Variants in ROR1 observed in about 807,000 individuals in gnomAD.
The protein encoded by ROR1 is ROR family WNT receptor 1.
Under a neutral mutation model 78.8 loss-of-function variants are expected in ROR1, and 19 were observed. The ratio of observed to expected loss-of-function variants is 0.24; its 90% CI spans 0.17 to 0.35. ROR1 has a LOEUF of 0.35. Ranked by LOEUF, ROR1 falls within the 10% of genes least tolerant of loss-of-function variation. The pLI is 1.00. For synonymous variants in ROR1, 386 were observed against 433.6 expected, an observed-to-expected ratio of 0.89 and a Z score of 1.36; for missense variants, 917 against 1,177.8, an observed-to-expected ratio of 0.78 and a Z score of 3.24.
chr1:63,876,325 G>A (rs1389404775), intron 1 of ROR1, among the ~76,000 whole-genome samples: 1 of 152,112 alleles, frequency 6.6e-6, no homozygotes. Context: ...TGGGACATGT[G>A]CATTATTTTC....
At chr1:63,846,021 C>T (rs1645078087) in intron 1 of ROR1, among the ~76,000 whole-genome samples, 1 of 152,070 alleles carries the variant, frequency 6.6e-6, no homozygotes, top group Non-Finnish European at 1.5e-5. Flanking sequence ...GTCTAATCAG[C>T]TTTCAGCTCT....
chr1:63,812,776 T>C (rs2100271927), intron 1 of ROR1, among the ~76,000 whole-genome samples: 1 of 152,322 alleles, frequency 6.6e-6, no homozygotes, highest in South Asian at 2.1e-4. Flanking sequence ...ATTAAGAGCT[T>C]TATTTTTATT....
chr1:64,166,813 G>C (rs142693618), intron 8 of ROR1, among the ~76,000 whole-genome samples: 307 of 152,192 alleles, frequency 2.0e-3, no homozygotes, highest in Non-Finnish European at 3.5e-3. Flanking sequence ...AATCCATCAG[G>C]GTGGAGAAGG....
intron 1 of ROR1, among the ~76,000 whole-genome samples, chr1:63,996,223 A>G (rs969340006): frequency 2.6e-5 from 4 of 152,210 alleles, no homozygotes; most frequent in African/African-American, 7.2e-5. Context: ...ATCACCTTAC[A>G]AAGTGCAAAG....
At chr1:64,095,230 C>T (rs189728949) in intron 4 of ROR1, 6 of 152,112 alleles carry the variant, frequency 3.9e-5, no homozygotes, top group East Asian at 3.9e-4. Flanking sequence ...AAAATAGGAA[C>T]GTTCAAAATA....
chr1:64,177,996 C>G lies in ROR1; in HGVS notation c.1955C>G (p.Ser652Cys). Residue 652 changes from serine (S) to cysteine (C), a missense_variant, in exon 9 of 9, where the codon TCC (serine) becomes TGC (cysteine). By Grantham distance (112) the Ser-to-Cys change is moderately radical. Around this residue, in one of 3 missense-constraint regions of ROR1, gnomAD observed 835 missense variants for 1,069.8 expected, o/e 0.78. Coordinates refer to ENST00000371079, the MANE Select transcript of ROR1 (RefSeq NM_005012.4). ...GATTACTACAGGGTCCAGAGTAAGT[C>G]CTTGCTGCCCATTCGCTGGATGCCC... ...SADYYRVQSK[S>C]LLPIRWMPPE... is the part of the protein sequence containing the mutation. 2 of 1,614,158 alleles carry G rather than the reference C, an allele frequency of 1.2e-6. No individual in the cohort carries two copies. The highest frequency in any genetic ancestry group is 1.1e-5 in the South Asian group (1 of 91,066).
intron 2 of ROR1, among the ~76,000 whole-genome samples, chr1:64,035,390 T>C (rs1646693991): frequency 6.6e-6 from 1 of 152,188 alleles, no homozygotes; most frequent in Admixed American, 6.6e-5. Context: ...GGACTTTATA[T>C]GCGATACCTT....
At chr1:63,868,975 G>C (rs1221381046) in intron 1 of ROR1, among the ~76,000 whole-genome samples, 3 of 152,218 alleles carry the variant, frequency 2.0e-5, no homozygotes, top group Non-Finnish European at 4.4e-5. Context: ...AGTGCCAACA[G>C]TTGTGTATTT....
In ROR1 at chr1:63,951,714, C is replaced by A. The variant is rs569277356; in HGVS notation, c.92-57591C>A. On this transcript the variant is annotated intron_variant, in intron 1 of 8. Coordinates refer to ENST00000371079, the MANE Select transcript of ROR1 (RefSeq NM_005012.4). Reference sequence around the variant, plus strand: ...TGTAATTTCTCTTAAAGACACCCCCCCCTCACCACCAGCCCACATGCTGCC... The same window carrying A: ...TGTAATTTCTCTTAAAGACACCCCCACCTCACCACCAGCCCACATGCTGCC... Among the ~76,000 whole-genome samples the A allele has an allele frequency of 3.3e-5, 5 of 152,140 alleles. No homozygotes were observed. In the East Asian group the frequency reaches 5.8e-4, roughly 18 times the overall value.
chr1:63,939,953 T>C (rs1645823248), intron 1 of ROR1, among the ~76,000 whole-genome samples: 1 of 152,156 alleles, frequency 6.6e-6, no homozygotes, highest in African/African-American at 2.4e-5. Flanking sequence ...CTCATTTTCT[T>C]GTGAAGGAAG....
At chr1:64,088,366 G>T (rs1324947428) in intron 4 of ROR1, among the ~76,000 whole-genome samples, 1 of 152,054 alleles carries the variant, frequency 6.6e-6, no homozygotes, top group African/African-American at 2.4e-5. Context: ...CACAGAGACT[G>T]GTCCAAGGAT....
intron 1 of ROR1, among the ~76,000 whole-genome samples, chr1:63,915,989 CTG>C (rs1220886631): frequency 2.6e-5 from 4 of 152,150 alleles, no homozygotes; most frequent in Non-Finnish European, 5.9e-5. Flanking sequence ...AAACATGAAT[CTG>C]TTCCTGGCAC....
chr1:64,104,458 T>A (rs1315066692), intron 4 of ROR1, among the ~76,000 whole-genome samples: 1 of 152,030 alleles, frequency 6.6e-6, no homozygotes, highest in East Asian at 1.9e-4. Flanking sequence ...GTCATATACA[T>A]CCTGTCCCCT....
chr1:64,156,356 A>G (rs1649769703), intron 7 of ROR1, among the ~76,000 whole-genome samples: 1 of 152,220 alleles, frequency 6.6e-6, no homozygotes, highest in African/African-American at 2.4e-5. Context: ...TGTAGACACA[A>G]TCATTACTGG....
intron 3 of ROR1, 132 bp from the exon 4 acceptor site, chr1:64,050,554 A>G (rs1384814376): frequency 2.0e-5 from 18 of 900,762 alleles, no homozygotes; most frequent in Non-Finnish European, 2.7e-5. Flanking sequence ...GAGCAAAACA[A>G]TAAATTCCAG....
chr1:64,167,972 T>C (rs1181449470), intron 8 of ROR1, among the ~76,000 whole-genome samples: 1 of 152,238 alleles, frequency 6.6e-6, no homozygotes, highest in African/African-American at 2.4e-5. Flanking sequence ...AACTTTGGTG[T>C]CAGACATTCT....
chr1:63,966,705 T>C (rs1646078200), intron 1 of ROR1, among the ~76,000 whole-genome samples: 1 of 152,184 alleles, frequency 6.6e-6, no homozygotes, highest in South Asian at 2.1e-4. Flanking sequence ...GTAATTACTT[T>C]TTCTGTTTGT....
chr1:64,127,159 G>A (rs923558752), intron 4 of ROR1, among the ~76,000 whole-genome samples: 5 of 152,152 alleles, frequency 3.3e-5, no homozygotes, highest in African/African-American at 1.2e-4. Context: ...ACATGGCGGT[G>A]TTATTTGTGC....
At chr1:64,096,415 C>G (rs1647301945) in intron 4 of ROR1, among the ~76,000 whole-genome samples, 1 of 152,046 alleles carries the variant, frequency 6.6e-6, no homozygotes, top group Non-Finnish European at 1.5e-5. Context: ...ATAGGCCCCA[C>G]TGTGTGTTGT....
Sources: gnomAD v4.1 joint callset for allele counts (sites outside exome capture counted in the v4.1 genomes callset) on GRCh38, gnomAD v4.1.1 for gene constraint, gnomAD v4.1.1 regional missense constraint, MANE v1.5 for transcripts, NCBI Gene and HGNC (gene_info 2026-07-23, HGNC 2026-07-21) for gene names.